Variants in SPATA17 observed in about 807,000 individuals in gnomAD.
SPATA17 encodes the protein spermatogenesis associated 17.
In SPATA17, 53 loss-of-function variants were observed where a neutral mutation model predicts 62.2. The ratio of observed to expected loss-of-function variants is 0.85; its 90% CI spans 0.68 to 1.07. The LOEUF is 1.07. SPATA17 is among the 50% of genes least tolerant of loss of function. The pLI is 0.00. For missense variants in SPATA17, 466 were observed against 425.5 expected, an observed-to-expected ratio of 1.10 and a Z score of -0.84; for synonymous variants, 146 against 146.8, an observed-to-expected ratio of 0.99 and a Z score of 0.04.
At chr1:217,719,173 T>A (rs925369631) in intron 5 of SPATA17, among the ~76,000 whole-genome samples, 1 of 152,202 alleles carries the variant, frequency 6.6e-6, no homozygotes, top group Non-Finnish European at 1.5e-5. Context: ...ACCTCATATG[T>A]GGTCATGGAA....
At chr1:217,842,362 G>A (rs1052771442) in intron 9 of SPATA17, among the ~76,000 whole-genome samples, 16 of 151,928 alleles carry the variant, frequency 1.1e-4, no homozygotes, top group Non-Finnish European at 1.8e-4. Context: ...TCAATTTTTG[G>A]AAGAGTTTGT....
chr1:217,703,173 C>CATTTTTTT (rs1558572175), intron 5 of SPATA17, among the ~76,000 whole-genome samples: 3 of 101,246 alleles, frequency 3.0e-5, no homozygotes, highest in African/African-American at 1.3e-4. Context: ...TTGCGCTCGG[C>CATTTTTTT]CTTTTTTTTT....
chr1:217,673,546 T>G (rs563453891), intron 4 of SPATA17, among the ~76,000 whole-genome samples: 75 of 152,298 alleles, frequency 4.9e-4, no homozygotes, highest in African/African-American at 1.7e-3. Flanking sequence ...CAACTTTTAT[T>G]TTCAGTTCTC....
At chr1:217,846,929 GTTA>G (rs1459390196) in intron 9 of SPATA17, among the ~76,000 whole-genome samples, 10 of 151,922 alleles carry the variant, frequency 6.6e-5, no homozygotes, top group East Asian at 1.9e-4. Flanking sequence ...CTAATTAGCA[GTTA>G]TTATACATTG....
Position 217,737,187 on chromosome 1 carries a change from TGTGA to T in SPATA17, c.396-4785_396-4782del, listed in dbSNP as rs1425550273. The stretch of plus-strand genomic sequence containing the variant: ...GGAGTTTGGGCAGAGATTTAATCTC[TGTGA>T]GTATCATTTCCTCATCTGTTAACTG... On this transcript the variant is annotated intron_variant, in intron 5 of 10. Transcript: ENST00000366933. Among the ~76,000 whole-genome samples the T allele has an allele frequency of 3.3e-5, 5 of 152,318 alleles. No individual in the cohort carries two copies. The South Asian group carries it at 6.2e-4, about 19-fold the overall frequency.
chr1:217,652,789 A>G (rs1670352279), intron 3 of SPATA17, among the ~76,000 whole-genome samples: 1 of 152,224 alleles, frequency 6.6e-6, no homozygotes, highest in African/African-American at 2.4e-5. Context: ...AACTGTAGAA[A>G]GAGGACAGGC....
At chr1:217,736,429 T>A (rs949227740) in intron 5 of SPATA17, among the ~76,000 whole-genome samples, 2 of 152,232 alleles carry the variant, frequency 1.3e-5, no homozygotes, top group Non-Finnish European at 2.9e-5. Flanking sequence ...CATAAATGTA[T>A]GATTGTAAAT....
At chr1:217,654,166 C>G (rs1470594815) in intron 3 of SPATA17, among the ~76,000 whole-genome samples, 1 of 146,040 alleles carries the variant, frequency 6.8e-6, no homozygotes, top group Non-Finnish European at 1.5e-5. Context: ...GAGACAAAGT[C>G]TTGCTCTGTT....
chr1:217,763,672 C>A (rs545135454), intron 6 of SPATA17, among the ~76,000 whole-genome samples: 6 of 152,224 alleles, frequency 3.9e-5, no homozygotes, highest in Admixed American at 6.5e-5. Flanking sequence ...ATGGAGAGAA[C>A]CTGTAAGTGT....
intron 4 of SPATA17, among the ~76,000 whole-genome samples, chr1:217,675,132 G>A (rs370388804): frequency 4.6e-5 from 7 of 152,086 alleles, no homozygotes; most frequent in South Asian, 2.1e-4. Flanking sequence ...GACTCCTGCC[G>A]CAATTATATG....
chr1:217,683,594 A>G (rs1431124078), intron 5 of SPATA17, among the ~76,000 whole-genome samples: 1 of 152,014 alleles, frequency 6.6e-6, no homozygotes, highest in African/African-American at 2.4e-5. Flanking sequence ...GCCCGCCACC[A>G]CAGCCGGCTA....
At chr1:217,835,684 G>A (rs56106465) in intron 9 of SPATA17, among the ~76,000 whole-genome samples, 1 of 152,012 alleles carries the variant, frequency 6.6e-6, no homozygotes, top group African/African-American at 2.4e-5. Flanking sequence ...AACTGCCTTT[G>A]TGAAGCTAAT....
At chr1:217,730,602 A>G (rs1672382610) in intron 5 of SPATA17, among the ~76,000 whole-genome samples, 1 of 152,130 alleles carries the variant, frequency 6.6e-6, no homozygotes, top group Non-Finnish European at 1.5e-5. Flanking sequence ...TGATCTTTAG[A>G]GGAAAAAAAA....
intron 5 of SPATA17, among the ~76,000 whole-genome samples, chr1:217,701,301 A>G (rs1053956898): frequency 2.0e-5 from 3 of 149,488 alleles, no homozygotes; most frequent in African/African-American, 7.4e-5. Context: ...GTGTGTGTAT[A>G]TGTGTGTGTG....
At chr1:217,689,366 C>A (rs1671296646) in intron 5 of SPATA17, among the ~76,000 whole-genome samples, 1 of 151,542 alleles carries the variant, frequency 6.6e-6, no homozygotes, top group Non-Finnish European at 1.5e-5. Context: ...GCTGGGACTA[C>A]AGGTGTGTGC....
chr1:217,660,009 A>G (rs1670531840), intron 3 of SPATA17, among the ~76,000 whole-genome samples: 1 of 152,148 alleles, frequency 6.6e-6, no homozygotes, highest in Non-Finnish European at 1.5e-5. Flanking sequence ...ACTTCTTGCT[A>G]TACCTATGTA....
intron 9 of SPATA17, among the ~76,000 whole-genome samples, chr1:217,812,635 T>C (rs1674619455): frequency 6.6e-6 from 1 of 152,224 alleles, no homozygotes; most frequent in South Asian, 2.1e-4. Flanking sequence ...GATCTCCATA[T>C]TTAAACTAGA....
At chr1:217,803,980 T>C (rs1674373780) in intron 9 of SPATA17, among the ~76,000 whole-genome samples, 1 of 150,994 alleles carries the variant, frequency 6.6e-6, no homozygotes, top group Non-Finnish European at 1.5e-5. Flanking sequence ...ATCGTGCCAC[T>C]GCACTCCAGC....
chr1:217,771,788 G>A (rs559527762), intron 6 of SPATA17, among the ~76,000 whole-genome samples: 5 of 152,238 alleles, frequency 3.3e-5, no homozygotes, highest in African/African-American at 1.2e-4. Flanking sequence ...AAGCTATCAT[G>A]TCTACTGATC....
Sources: gnomAD v4.1 joint callset for allele counts (sites outside exome capture counted in the v4.1 genomes callset) on GRCh38, gnomAD v4.1.1 for gene constraint, MANE v1.5 for transcripts, NCBI Gene and HGNC (gene_info 2026-07-23, HGNC 2026-07-21) for gene names.